ASIC4: variants seen among roughly 807,000 people sequenced by gnomAD.
ASIC4 encodes acid sensing ion channel subunit family member 4.
ASIC4 carries 28 observed loss-of-function variants against 53.4 expected under a neutral mutation model. That is an observed-to-expected ratio of 0.52 (90% CI 0.39 to 0.72). The LOEUF is 0.72. Among genes scored for constraint, ASIC4 ranks in the 30% least tolerant of loss-of-function variants. ASIC4 has a pLI of 0.00. For missense variants in ASIC4, 649 were observed against 729.7 expected (o/e 0.89, Z 1.27); for synonymous variants, 289 against 301.4 (o/e 0.96, Z 0.43).
At chr2:219,532,803 C>T in intron 4 of ASIC4, 80 bp from the exon 5 acceptor site, 1 of 1,302,396 alleles carries the variant, frequency 7.7e-7, no homozygotes, top group East Asian at 2.3e-5. Flanking sequence ...TGTGTGCATG[C>T]ATGTATGTGC....
chr2:219,531,661 A>T (rs774159583), intron 1 of ASIC4, 97 bp from the exon 2 acceptor site: 1 of 1,396,044 alleles, frequency 7.2e-7, no homozygotes, highest in Admixed American at 2.3e-5. Flanking sequence ...GGAGTGTCCA[A>T]GCAGATCTGG....
upstream of ASIC4, among the ~76,000 whole-genome samples, chr2:219,512,929 C>G (rs78393929): frequency 0.02 from 3,106 of 152,336 alleles, 112 homozygotes; most frequent in African/African-American, 0.071. Flanking sequence ...CTGATGGGGC[C>G]TGACCTGGCC....
At chr2:219,526,862 C>T (rs1328189689) in intron 1 of ASIC4, among the ~76,000 whole-genome samples, 1 of 152,132 alleles carries the variant, frequency 6.6e-6, no homozygotes, top group Non-Finnish European at 1.5e-5. Context: ...GAGCGTGGAC[C>T]TGGAGCTAAG....
chr2:219,514,565 C>G lies in ASIC4; in HGVS notation c.-160C>G. 1 of 1,571,334 alleles carries G rather than the reference C, an allele frequency of 6.4e-7. No individual in the cohort carries two copies. Among genetic ancestry groups the G allele is most frequent in the Non-Finnish European group, 8.6e-7 (1 of 1,158,644 alleles). On this transcript the variant is annotated 5_prime_UTR_variant, in exon 1 of 10. Transcript: ENST00000358078. Reference sequence around the variant, plus strand: ...GAGCTGCTGGGAGTGGGAGTGACTCCCCCACCTCGGGCCCCCACCCTGTCC... The same window carrying G: ...GAGCTGCTGGGAGTGGGAGTGACTCGCCCACCTCGGGCCCCCACCCTGTCC...
chr2:219,515,867 G>C (rs904322247), intron 1 of ASIC4, among the ~76,000 whole-genome samples: 3 of 152,116 alleles, frequency 2.0e-5, no homozygotes, highest in Admixed American at 2.0e-4. Flanking sequence ...ATCTCTGTGT[G>C]TCTCTCACAT....
chr2:219,526,536 G>A (rs1334281717), intron 1 of ASIC4, among the ~76,000 whole-genome samples: 2 of 152,126 alleles, frequency 1.3e-5, no homozygotes, highest in African/African-American at 4.8e-5. Context: ...GGTCAACAGA[G>A]GGCAGGGGCA....
chr2:219,515,516 C>T (rs538058720), intron 1 of ASIC4, among the ~76,000 whole-genome samples: 6 of 152,372 alleles, frequency 3.9e-5, no homozygotes, highest in Middle Eastern at 3.4e-3. Context: ...TACCCTGGGG[C>T]GCCTGCTGCT....
chr2:219,537,867 G>C lies in ASIC4; in HGVS notation c.1507-66G>C, dbSNP rs1002033947. ...CCCGAGGTGACAAGGAAAGGCTGGCGGTGTGAGCCCTGGGGGCACCACTTG... is the reference window on the plus strand; with the variant it reads ...CCCGAGGTGACAAGGAAAGGCTGGCCGTGTGAGCCCTGGGGGCACCACTTG... On this transcript the variant is annotated intron_variant, in intron 9 of 9. Coordinates refer to ENST00000358078, the MANE Select transcript of ASIC4 (RefSeq NM_018674.6). This position sits in a 1 kb window ranked among gnomAD's most constrained non-coding sequence, Gnocchi z 4.9. 2.0e-6 allele frequency: 3 copies of C among 1,491,214 alleles called. No individual in the cohort carries two copies. Among genetic ancestry groups the C allele is most frequent in the African/African-American group, 1.4e-5 (1 of 72,410 alleles). The allele number at this position is 1,491,214 out of a possible 1,614,324, so 92.4% of individuals were successfully genotyped here.
upstream of ASIC4, among the ~76,000 whole-genome samples, chr2:219,510,263 C>T (rs1694684359): frequency 6.6e-6 from 1 of 151,776 alleles, no homozygotes; most frequent in African/African-American, 2.4e-5. The surrounding 1 kb of genome is among the most constrained non-coding windows in gnomAD (Gnocchi z 5.2). Flanking sequence ...TGCTGCTGTG[C>T]CGCCTTATCT....
intron 1 of ASIC4, among the ~76,000 whole-genome samples, chr2:219,522,949 C>T (rs1222062776): frequency 1.3e-5 from 2 of 152,006 alleles, no homozygotes; most frequent in African/African-American, 4.8e-5. Flanking sequence ...GAGCGGAGGG[C>T]GGCGAGGCGC....
At chr2:219,511,330 C>T (rs1016613426), upstream of ASIC4, among the ~76,000 whole-genome samples, 5 of 151,972 alleles carry the variant, frequency 3.3e-5, no homozygotes, top group African/African-American at 1.2e-4. This position sits in a 1 kb window ranked among gnomAD's most constrained non-coding sequence, Gnocchi z 5.3. Context: ...CATGCCTCCT[C>T]CCAGGAACCT....
At chr2:219,532,982 C>T in intron 5 of ASIC4, 43 bp downstream of exon 5, 1 of 1,574,322 alleles carries the variant, frequency 6.4e-7, no homozygotes, top group African/African-American at 1.3e-5. Context: ...TCAGCCTCTT[C>T]ATGTCTCTGT....
At chr2:219,532,784 G>A (rs1695064613) in intron 4 of ASIC4, 99 bp from the exon 5 acceptor site, 1 of 1,135,044 alleles carries the variant, frequency 8.8e-7, no homozygotes, top group Non-Finnish European at 1.3e-6. Flanking sequence ...ATGCAAATGT[G>A]TGCATATGTG....
intron 1 of ASIC4, among the ~76,000 whole-genome samples, chr2:219,523,078 C>G (rs1008465270): frequency 3.9e-5 from 6 of 152,224 alleles, no homozygotes; most frequent in African/African-American, 1.4e-4. Context: ...ACCCACCCAC[C>G]GTCCCCGCCG....
intron 1 of ASIC4, among the ~76,000 whole-genome samples, chr2:219,520,034 G>A (rs1172310903): frequency 6.6e-6 from 1 of 152,064 alleles, no homozygotes; most frequent in South Asian, 2.1e-4. Context: ...ACCCTGAGGA[G>A]GCATGGGTAG....
chr2:219,518,946 C>G lies in ASIC4; in HGVS notation c.582+3640C>G, dbSNP rs1019126637. 6.6e-6 allele frequency among the ~76,000 whole-genome samples: 1 copy of G among 152,156 alleles called. No individual in the cohort carries two copies. Among genetic ancestry groups the G allele is most frequent in the African/African-American group, 2.4e-5 (1 of 41,422 alleles). ...TTTGAGACAGAGTCTCGTTGTTGCC[C>G]AGGCTGGAGTGCAGCGGCGCGATCT... is the stretch of plus-strand genomic sequence containing the variant. On this transcript the variant is annotated intron_variant, in intron 1 of 9. Coordinates refer to ENST00000358078, the MANE Select transcript of ASIC4 (RefSeq NM_018674.6). The surrounding 1 kb of genome is among the most constrained non-coding windows in gnomAD (Gnocchi z 4.8).
chr2:219,531,608 T>G, intron 1 of ASIC4, 150 bp from the exon 2 acceptor site: 1 of 831,650 alleles, frequency 1.2e-6, no homozygotes, highest in Non-Finnish European at 1.8e-6. Flanking sequence ...TTGGCGCTGA[T>G]TGGAGAGGCT....
chr2:219,532,507 A>G (rs756727765), intron 4 of ASIC4, 30 bp downstream of exon 4: 2 of 1,598,206 alleles, frequency 1.3e-6, no homozygotes, highest in African/African-American at 1.3e-5. Flanking sequence ...CCAGCCCTCC[A>G]TGCCACCCTG....
upstream of ASIC4, among the ~76,000 whole-genome samples, chr2:219,510,817 C>T (rs1351017985): frequency 6.6e-6 from 1 of 152,146 alleles, no homozygotes; most frequent in Non-Finnish European, 1.5e-5. This position sits in a 1 kb window ranked among gnomAD's most constrained non-coding sequence, Gnocchi z 5.2. Context: ...CTTCAGTCGC[C>T]TCAGATCACG....
Sources: allele counts gnomAD v4.1 joint callset (sites outside exome capture counted in the v4.1 genomes callset), GRCh38; gene constraint gnomAD v4.1.1; non-coding constraint Gnocchi (gnomAD v3.1); transcripts MANE v1.5; gene names NCBI Gene and HGNC (gene_info 2026-07-23, HGNC 2026-07-21).